SYT7: variants seen among roughly 807,000 people sequenced by gnomAD.
The protein encoded by SYT7 is synaptotagmin 7, also known as synaptotagmin-7.
A neutral mutation model predicts 75.1 loss-of-function variants in SYT7; 29 were observed. That is an observed-to-expected ratio of 0.39 (90% CI 0.29 to 0.53). The LOEUF is 0.53. SYT7 is among the 20% of genes least tolerant of loss of function. The pLI is 0.77. For missense variants in SYT7, 693 were observed against 953.2 expected (o/e 0.73, Z 3.59); for synonymous variants, 376 against 401.7 (o/e 0.94, Z 0.76).
In SYT7 at chr11:61,523,276, T is replaced by C; in HGVS notation, c.1757-2A>G. 1 of 1,614,042 alleles carries C rather than the reference T, an allele frequency of 6.2e-7. No homozygotes were observed. The highest frequency in any genetic ancestry group is 8.5e-7 in the Non-Finnish European group (1 of 1,180,002). On this transcript the variant is annotated splice_acceptor_variant, in intron 11 of 12. Transcript: ENST00000539008. LOFTEE classifies it high-confidence loss of function. This position sits in a 1 kb window ranked among gnomAD's most constrained non-coding sequence, Gnocchi z 5.0. ...TCAGCCATACCTTCACGTAGGGGTCTAGGGGAGGGAGTGGGGAAGGGTTAG... is the reference window on the plus strand; with the variant it reads ...TCAGCCATACCTTCACGTAGGGGTCCAGGGGAGGGAGTGGGGAAGGGTTAG...
At chr11:61,536,102 T>C (rs1352120347) in intron 7 of SYT7, among the ~76,000 whole-genome samples, 1 of 151,618 alleles carries the variant, frequency 6.6e-6, no homozygotes, top group Non-Finnish European at 1.5e-5. Context: ...CCAGTGGCCA[T>C]GAGAAATGTT....
chr11:61,554,619 C>T (rs2063442852), intron 2 of SYT7, among the ~76,000 whole-genome samples: 1 of 152,160 alleles, frequency 6.6e-6, no homozygotes, highest in Non-Finnish European at 1.5e-5. Flanking sequence ...CTAAGGGGCC[C>T]TGCAACAAGA....
chr11:61,544,457 G>A (rs1283242120), intron 5 of SYT7, among the ~76,000 whole-genome samples: 1 of 152,182 alleles, frequency 6.6e-6, no homozygotes, highest in Admixed American at 6.5e-5. Context: ...GGTCTTGGAG[G>A]GGTGGCAGCC....
chr11:61,528,075 C>T lies in SYT7; in HGVS notation c.1311G>A (p.Val437=). The stretch of plus-strand genomic sequence containing the variant: ...GCAGCTCCTGGGCCTTCATGATCTT[C>T]ACGGTGAGCGTGGACTCCTGGAAGT... ...GYNFQESTLT[V]KIMKAQELPA... is the part of the protein sequence containing the mutation. The change falls in exon 9 of 13, where the codon GTG becomes GTA. Residue 437 remains valine (V), a synonymous_variant. Coordinates refer to ENST00000539008, the MANE Select transcript of SYT7 (RefSeq NM_001365809.2). The T allele has an allele frequency of 4.3e-6, 7 of 1,614,012 alleles. No homozygotes were observed. The South Asian group carries it at 7.7e-5, about 18-fold the overall frequency.
At chr11:61,521,257 C>T (rs549773355) in intron 12 of SYT7, among the ~76,000 whole-genome samples, 3 of 152,350 alleles carry the variant, frequency 2.0e-5, no homozygotes, top group African/African-American at 7.2e-5. Context: ...CGTAAGTTAC[C>T]AGGCCAAAGT....
In SYT7 at chr11:61,553,869, C is replaced by A. The variant is rs2063419349; in HGVS notation, c.135+2235G>T. ...CAGGCAGGCAAGGAGAGCCCAACAACTGTGTGTGTTGGGGGAGGGGACAGC... is the reference window on the plus strand; with the variant it reads ...CAGGCAGGCAAGGAGAGCCCAACAAATGTGTGTGTTGGGGGAGGGGACAGC... On this transcript the variant is annotated intron_variant, in intron 2 of 12. Coordinates refer to ENST00000539008, the MANE Select transcript of SYT7 (RefSeq NM_001365809.2). The surrounding 1 kb of genome is among the most constrained non-coding windows in gnomAD (Gnocchi z 5.2). Among the ~76,000 whole-genome samples, 4 of 152,170 alleles carry A rather than the reference C, an allele frequency of 2.6e-5. No individual in the cohort carries two copies. Among genetic ancestry groups the A allele is most frequent in the Admixed American group, 2.6e-4 (4 of 15,284 alleles).
Position 61,556,096 on chromosome 11 carries a change from AG to A in SYT7, c.135+7del, listed in dbSNP as rs1420794722. ...CACCACCCTCCAAGGGGCCCTCAGG[AG>A]CCTCACCAGTTTGCGCTGACACCAG... On this transcript the variant is annotated splice_region_variant and intron_variant, in intron 2 of 12. Transcript: ENST00000539008. The A allele has an allele frequency of 1.2e-6, 2 of 1,612,476 alleles. No individual in the cohort carries two copies. Among genetic ancestry groups the A allele is most frequent in the Admixed American group, 3.3e-5 (2 of 59,864 alleles).
chr11:61,530,872 GT>G, intron 8 of SYT7: 1 of 985,408 alleles, frequency 1.0e-6, no homozygotes, highest in Non-Finnish European at 1.2e-6. Flanking sequence ...TGGCAGCCAG[GT>G]TGGCCACCCC....
intron 1 of SYT7, among the ~76,000 whole-genome samples, chr11:61,571,219 G>A (rs1285238963): frequency 6.6e-6 from 1 of 152,210 alleles, no homozygotes; most frequent in Non-Finnish European, 1.5e-5. Flanking sequence ...CCTCTGCACA[G>A]ACACACCTAC....
intron 1 of SYT7, among the ~76,000 whole-genome samples, chr11:61,568,602 G>C (rs914193373): frequency 2.0e-5 from 3 of 152,186 alleles, no homozygotes; most frequent in Non-Finnish European, 4.4e-5. Flanking sequence ...GCTGAGACGG[G>C]CATGGGAGAG....
At chr11:61,565,594 G>A (rs1047771222) in intron 1 of SYT7, among the ~76,000 whole-genome samples, 2 of 152,096 alleles carry the variant, frequency 1.3e-5, no homozygotes, top group South Asian at 2.1e-4. Flanking sequence ...TGAGATAGGC[G>A]AGAAGGAAAA....
In SYT7 at chr11:61,525,119, C is replaced by A. The variant is rs77128422; in HGVS notation, c.1472-587G>T. 2.3e-3 allele frequency among the ~76,000 whole-genome samples: 344 copies of A among 152,340 alleles called. 9 individuals are homozygous for A. In the East Asian group the frequency reaches 0.057, roughly 25 times the overall value. ...GCGTCCCCTTCTCTACTGCCACCTC[C>A]CTCATCCGAGCCGCTGGCACCTCTT... On this transcript the variant is annotated intron_variant, in intron 9 of 12. Transcript: ENST00000539008.
chr11:61,558,019 T>C (rs1422325656), intron 1 of SYT7, among the ~76,000 whole-genome samples: 1 of 152,206 alleles, frequency 6.6e-6, no homozygotes, highest in African/African-American at 2.4e-5. Context: ...GCTCTCCCCA[T>C]GGAACCTGCC....
At chr11:61,534,067 T>C (rs2062791287) in intron 7 of SYT7, among the ~76,000 whole-genome samples, 1 of 152,006 alleles carries the variant, frequency 6.6e-6, no homozygotes, top group Non-Finnish European at 1.5e-5. Context: ...AAGGGGGCAC[T>C]AAAAGCCTGC....
the SYT7 span, among the ~76,000 whole-genome samples, chr11:61,587,718 C>T: frequency 6.6e-6 from 1 of 152,132 alleles, no homozygotes; most frequent in African/African-American, 2.4e-5. Context: ...GAGGCCTGCC[C>T]CTCCAGCGAC....
Position 61,517,842 on chromosome 11 carries a change from A to T in SYT7, c.*785T>A. 7.0e-5 allele frequency: 13 copies of T among 186,932 alleles called. No individual in the cohort carries two copies. The highest frequency in any genetic ancestry group is 3.6e-4 in the East Asian group (3 of 8,406). The allele number at this position is 186,932 out of a possible 1,614,324, so 11.6% of individuals were successfully genotyped here. A position where few individuals can be genotyped will look rare whatever the true frequency, so the allele number is the denominator to read the frequency against. ...AGCAGAGGGGGGCACCAAGGGGAGA[A>T]GGGGAGGAGACGGGGGGATGGCAGG... On this transcript the variant is annotated 3_prime_UTR_variant, in exon 13 of 13. Coordinates refer to ENST00000539008, the MANE Select transcript of SYT7 (RefSeq NM_001365809.2).
chr11:61,519,843 C>T (rs956893457), intron 12 of SYT7, among the ~76,000 whole-genome samples: 4 of 151,974 alleles, frequency 2.6e-5, no homozygotes, highest in Admixed American at 6.6e-5. Context: ...TTTTTGAGAC[C>T]GAGTCTCACT....
upstream of SYT7, among the ~76,000 whole-genome samples, chr11:61,586,091 AG>A (rs567237385): frequency 8.3e-4 from 127 of 152,274 alleles, no homozygotes; most frequent in African/African-American, 2.8e-3. Flanking sequence ...TTACAGGGCC[AG>A]AAACCATATT....
chr11:61,567,929 G>C (rs1283518798), intron 1 of SYT7, among the ~76,000 whole-genome samples: 1 of 152,232 alleles, frequency 6.6e-6, no homozygotes, highest in Admixed American at 6.5e-5. Flanking sequence ...TCACAGTGCA[G>C]CCTCAACCCA....
Sources: gnomAD v4.1 joint callset for allele counts (sites outside exome capture counted in the v4.1 genomes callset) on GRCh38, gnomAD v4.1.1 for gene constraint, Gnocchi (gnomAD v3.1) non-coding constraint, MANE v1.5 for transcripts, NCBI Gene and HGNC (gene_info 2026-07-23, HGNC 2026-07-21) for gene names.